The following ZNF200 variants were observed in gnomAD, a reference collection of about 807,000 sequenced individuals.
ZNF200 encodes zinc finger protein 200.
A neutral mutation model predicts 33.6 loss-of-function variants in ZNF200; 35 were observed. That is an observed-to-expected ratio of 1.04 (90% CI 0.80 to 1.38). ZNF200 has a LOEUF of 1.38. Among genes scored for constraint, ZNF200 ranks in the 40% most tolerant of loss-of-function variants. The pLI is 0.00. For synonymous variants in ZNF200, 209 were observed against 167.7 expected (o/e 1.25, Z -1.90); for missense variants, 592 against 470.6 (o/e 1.26, Z -2.39).
rs373109647 is a variant in ZNF200, at chr16:3,233,772, C to A, written c.-17G>T. 1.6e-5 allele frequency: 26 copies of A among 1,596,954 alleles called. No homozygotes were observed. The East Asian group carries it at 1.8e-4, about 11-fold the overall frequency. Reference sequence around the variant, plus strand: ...AGCCATCATGCCTTGCAACCACACACCACACTCGTTTCGCGGGGCCTCCAG... The same window carrying A: ...AGCCATCATGCCTTGCAACCACACAACACACTCGTTTCGCGGGGCCTCCAG... On this transcript the variant is annotated 5_prime_UTR_variant, in exon 2 of 5. Transcript: ENST00000414144.
intron 1 of ZNF200, chr16:3,234,717 G>C (rs1227469574): frequency 6.6e-6 from 1 of 152,324 alleles, no homozygotes; most frequent in Non-Finnish European, 1.5e-5. Flanking sequence ...GCAAGGCCGA[G>C]GAGGTGTCCA....
intron 1 of ZNF200, among the ~76,000 whole-genome samples, chr16:3,234,392 C>G (rs1958738550): frequency 6.6e-6 from 1 of 151,426 alleles, no homozygotes; most frequent in Non-Finnish European, 1.5e-5. Context: ...AAAGCAAGAC[C>G]CTGACTCTAA....
In ZNF200 at chr16:3,223,730, C is replaced by G; in HGVS notation, c.*162G>C. 4.5e-6 allele frequency: 5 copies of G among 1,101,884 alleles called. No homozygotes were observed. The highest frequency in any genetic ancestry group is 5.1e-6 in the Non-Finnish European group (4 of 787,586). 68.3% of individuals were successfully genotyped at this position (1,101,884 alleles called of 1,614,324 possible). ...AAATGTTTTCTTCCCTGTGAATTTT[C>G]TAGCAATTTGAGGTTTTAGCTAAGA... On this transcript the variant is annotated 3_prime_UTR_variant, in exon 5 of 5. Transcript: ENST00000414144.
chr16:3,233,746 C>A lies in ZNF200; in HGVS notation c.10G>T (p.Ala4Ser), dbSNP rs1202854102. 1.9e-6 allele frequency: 3 copies of A among 1,610,628 alleles called. No homozygotes were observed. The African/African-American group carries it at 4.0e-5, about 22-fold the overall frequency. The change falls in exon 2 of 5, where the codon GCA becomes TCA. Residue 4 changes from alanine (A) to serine (S), a missense_variant. Ala to Ser is a moderately conservative substitution (Grantham distance 99, BLOSUM62 1). Transcript: ENST00000414144. MMAAKVVPMPPKPK... is the reference protein window; with the variant it reads MMASKVVPMPPKPK... ...TTTGGGGGCATAGGAACCACTTTTGCAGCCATCATGCCTTGCAACCACACA... is the reference window on the plus strand; with the variant it reads ...TTTGGGGGCATAGGAACCACTTTTGAAGCCATCATGCCTTGCAACCACACA...
In ZNF200 at chr16:3,232,438, C is replaced by G. The variant is rs748100602; in HGVS notation, c.449G>C (p.Gly150Ala). ...TTTCTTACCCAGTAACATCATTTCC[C>G]CGACACTGCTGTCATCTTCCTTCTC... is the stretch of plus-strand genomic sequence containing the variant. ...TSEKEDDSSV[G>A]EMMLLAVNGS... Residue 150 changes from glycine to alanine, a missense_variant, in exon 4 of 5, where the codon GGG (glycine) becomes GCG (alanine). Physicochemically the swap from Gly to Ala is moderately conservative, Grantham distance 60. Coordinates refer to ENST00000414144, the MANE Select transcript of ZNF200 (RefSeq NM_198088.3). The G allele has an allele frequency of 2.2e-5, 35 of 1,613,784 alleles. No homozygotes were observed. The Admixed American group carries it at 5.8e-4, about 27-fold the overall frequency.
chr16:3,222,453 C>G lies in ZNF200; in HGVS notation c.*1439G>C, dbSNP rs1444775445. 2 of 151,968 alleles carry G rather than the reference C, an allele frequency of 1.3e-5. No individual in the cohort carries two copies. The allele number at this position is 151,968 out of a possible 1,614,324, so 9.4% of individuals were successfully genotyped here. A position where few individuals can be genotyped will look rare whatever the true frequency, so the allele number is the denominator to read the frequency against. On this transcript the variant is annotated 3_prime_UTR_variant, in exon 5 of 5. Transcript: ENST00000414144. Reference sequence around the variant, plus strand: ...CAAATATATAATTAAAAATAACTTTCCCATGTAAAAGCAATAATCAACTAT... The same window carrying G: ...CAAATATATAATTAAAAATAACTTTGCCATGTAAAAGCAATAATCAACTAT...
At chr16:3,233,039 GC>G (rs1958684920) in intron 2 of ZNF200, 118 bp from the exon 3 acceptor site, 3 of 818,028 alleles carry the variant, frequency 3.7e-6, no homozygotes, top group Admixed American at 4.5e-5. Context: ...GGCCTTTTCT[GC>G]TCCTGTGAGC....
At position 3,234,587 on chromosome 16, in the gene ZNF200, G is replaced by A. The variant is rs149004314; in HGVS notation, c.-82+400C>T. The A allele has an allele frequency of 2.9e-3, 437 of 152,546 alleles. 5 individuals are homozygous for A. Among genetic ancestry groups the A allele is most frequent in the African/African-American group, 0.01 (419 of 41,586 alleles). 9.4% of individuals were successfully genotyped at this position (152,546 alleles called of 1,614,324 possible). A position where few individuals can be genotyped will look rare whatever the true frequency, so the allele number is the denominator to read the frequency against. ...ACAGGAAATCTGGGGTCAATACCGA[G>A]GACATCTGCCTAAAAGCAGGTTGGT... On this transcript the variant is annotated intron_variant, in intron 1 of 4. Transcript: ENST00000414144.
intron 2 of ZNF200, 59 bp from the exon 3 acceptor site, chr16:3,232,980 C>G: frequency 6.7e-7 from 1 of 1,491,922 alleles, no homozygotes; most frequent in Non-Finnish European, 9.3e-7. Flanking sequence ...ACAGAGACTC[C>G]CCATACCGCG....
At chr16:3,225,813 C>T (rs1408107793) in intron 4 of ZNF200, 1 of 151,848 alleles carries the variant, frequency 6.6e-6, no homozygotes, top group Non-Finnish European at 1.5e-5. Flanking sequence ...GTCAAGGGTT[C>T]AAATCAACCA....
chr16:3,232,458 C>G lies in ZNF200; in HGVS notation c.429G>C (p.Lys143Asn). The G allele has an allele frequency of 6.2e-7, 1 of 1,614,126 alleles. No individual in the cohort carries two copies. The highest frequency in any genetic ancestry group is 8.5e-7 in the Non-Finnish European group (1 of 1,180,010). ...LDPTQQLTSEKEDDSSVGEMM... is the reference protein window; with the variant it reads ...LDPTQQLTSENEDDSSVGEMM... The stretch of plus-strand genomic sequence containing the variant: ...TTTCCCCGACACTGCTGTCATCTTC[C>G]TTCTCTGACGTGAGTTGTTGAGTAG... Residue 143 changes from lysine to asparagine, a missense_variant, in exon 4 of 5, where the codon AAG (lysine) becomes AAC (asparagine). By Grantham distance (94) the Lys-to-Asn change is moderately conservative. Transcript: ENST00000414144.
At chr16:3,224,691 T>G (rs1429113835) in intron 4 of ZNF200, 78 bp from the exon 5 acceptor site, 1 of 1,499,620 alleles carries the variant, frequency 6.7e-7, no homozygotes, top group Non-Finnish European at 8.8e-7. Flanking sequence ...AGGTTTCTTA[T>G]GCCACAGCCA....
In ZNF200 at chr16:3,223,692, G is replaced by C. The variant is rs1272790308; in HGVS notation, c.*200C>G. ...TTAGTCCAAAAAGCCTAGATGCTGA[G>C]GTATAGCCCTTGAAATGTTTTCTTC... On this transcript the variant is annotated 3_prime_UTR_variant, in exon 5 of 5. Transcript: ENST00000414144. 2.7e-6 allele frequency: 2 copies of C among 740,144 alleles called. No individual in the cohort carries two copies. Among genetic ancestry groups the C allele is most frequent in the Non-Finnish European group, 4.2e-6 (2 of 478,076 alleles). The allele number at this position is 740,144 out of a possible 1,614,324, so 45.8% of individuals were successfully genotyped here. A position where few individuals can be genotyped will look rare whatever the true frequency, so the allele number is the denominator to read the frequency against.
chr16:3,224,727 C>T (rs1958424044), intron 4 of ZNF200, 114 bp from the exon 5 acceptor site: 7 of 1,346,690 alleles, frequency 5.2e-6, no homozygotes, highest in East Asian at 2.4e-5. Context: ...TGGGGAGTGG[C>T]GGATACTGCC....
At chr16:3,233,917 G>A in intron 1 of ZNF200, 81 bp from the exon 2 acceptor site, 1 of 1,168,624 alleles carries the variant, frequency 8.6e-7, no homozygotes, top group Non-Finnish European at 1.2e-6. Flanking sequence ...GGCTGGTGAG[G>A]CTACATGAGA....
chr16:3,228,952 G>T (rs965572655), intron 4 of ZNF200, among the ~76,000 whole-genome samples: 24 of 152,032 alleles, frequency 1.6e-4, no homozygotes, highest in African/African-American at 5.8e-4. Context: ...TGCATCTGAG[G>T]ATTCAACCAA....
chr16:3,224,716 C>G lies in ZNF200; in HGVS notation c.467-103G>C, dbSNP rs567943222. On this transcript the variant is annotated intron_variant, in intron 4 of 4. Transcript: ENST00000414144. ...TGCCACAGCCACCTTGAACGTCAAT[C>G]TGGGGAGTGGCGGATACTGCCGTCG... The G allele has an allele frequency of 2.3e-5, 33 of 1,445,098 alleles. No individual in the cohort carries two copies. The South Asian group carries it at 4.4e-4, about 19-fold the overall frequency. The allele number at this position is 1,445,098 out of a possible 1,614,324, so 89.5% of individuals were successfully genotyped here.
intron 4 of ZNF200, among the ~76,000 whole-genome samples, chr16:3,230,574 C>T (rs572521317): frequency 6.6e-5 from 10 of 152,308 alleles, no homozygotes; most frequent in African/African-American, 9.6e-5. Context: ...CTTATTTTTA[C>T]GTGGTTCACT....
At chr16:3,227,873 A>C (rs1164550244) in intron 4 of ZNF200, 4 of 152,172 alleles carry the variant, frequency 2.6e-5, no homozygotes, top group Non-Finnish European at 5.9e-5. Context: ...ATCACACACT[A>C]AACTCCCATG....
Sources: allele counts gnomAD v4.1 joint callset (sites outside exome capture counted in the v4.1 genomes callset), GRCh38; gene constraint gnomAD v4.1.1; transcripts MANE v1.5; gene names NCBI Gene and HGNC (gene_info 2026-07-23, HGNC 2026-07-21).